NEDD4L: variants seen among roughly 807,000 people sequenced by gnomAD.
The protein encoded by NEDD4L is NEDD4 like E3 ubiquitin protein ligase, also known as E3 ubiquitin-protein ligase NEDD4-like.
A neutral mutation model predicts 148.9 loss-of-function variants in NEDD4L; 54 were observed. The ratio of observed to expected loss-of-function variants is 0.36; its 90% CI spans 0.29 to 0.45. The LOEUF is 0.45. NEDD4L is among the 20% of genes least tolerant of loss of function. NEDD4L has a pLI of 1.00. For synonymous variants in NEDD4L, 433 were observed against 440.7 expected, an observed-to-expected ratio of 0.98 and a Z score of 0.22; for missense variants, 856 against 1,233.8, an observed-to-expected ratio of 0.69 and a Z score of 4.59.
At chr18:58,107,856 G>T (rs552457637) in intron 1 of NEDD4L, among the ~76,000 whole-genome samples, 3 of 152,230 alleles carry the variant, frequency 2.0e-5, no homozygotes, top group African/African-American at 7.2e-5. Context: ...GGGACTACAG[G>T]TACGCATGCC....
In NEDD4L at chr18:58,357,182, T is replaced by C; in HGVS notation, c.1709-12T>C. ...TGTTCTGATTTTTTTTTTTTTTTTT[T>C]AACATTTTCAGATAGCAAAATTACT... On this transcript the variant is annotated splice_polypyrimidine_tract_variant and intron_variant, in intron 18 of 30. Coordinates refer to ENST00000400345, the MANE Select transcript of NEDD4L (RefSeq NM_001144967.3). 6.6e-7 allele frequency: 1 copy of C among 1,515,810 alleles called. No individual in the cohort carries two copies. The highest frequency in any genetic ancestry group is 9.0e-7 in the Non-Finnish European group (1 of 1,113,924). The allele number at this position is 1,515,810 out of a possible 1,614,324, so 93.9% of individuals were successfully genotyped here.
At chr18:58,127,772 C>T (rs1034813505) in intron 1 of NEDD4L, among the ~76,000 whole-genome samples, 32 of 137,166 alleles carry the variant, frequency 2.3e-4, no homozygotes, top group Admixed American at 9.9e-4. Context: ...ACACGGGAGG[C>T]GGAGTTTGCA....
chr18:58,049,528 C>G (rs976017628), intron 1 of NEDD4L, among the ~76,000 whole-genome samples: 38 of 152,290 alleles, frequency 2.5e-4, no homozygotes, highest in Non-Finnish European at 3.1e-4. Flanking sequence ...CATGCCAAGT[C>G]CAAGTGCCTG....
At chr18:58,235,841 T>TA (rs1329249928) in intron 2 of NEDD4L, among the ~76,000 whole-genome samples, 4 of 152,126 alleles carry the variant, frequency 2.6e-5, no homozygotes, top group Non-Finnish European at 5.9e-5. Context: ...CAGTTTATTA[T>TA]AAAAAGGATA....
At chr18:58,148,163 C>CTTTTTT (rs58114617) in intron 1 of NEDD4L, among the ~76,000 whole-genome samples, 5 of 141,916 alleles carry the variant, frequency 3.5e-5, no homozygotes, top group Non-Finnish European at 7.7e-5. Flanking sequence ...CCACACTGTT[C>CTTTTTT]TTTTTTTTTT....
chr18:58,287,662 T>C (rs527846714), intron 5 of NEDD4L, among the ~76,000 whole-genome samples: 1 of 152,238 alleles, frequency 6.6e-6, no homozygotes, highest in Non-Finnish European at 1.5e-5. Context: ...AGAGGTCTTA[T>C]CACGCATATT....
rs1203829189 is a variant in NEDD4L, at chr18:58,347,372, C to T, written c.1576-2165C>T. On this transcript the variant is annotated intron_variant, in intron 16 of 30. Transcript: ENST00000400345. ...TAGCAGTCCTCAGCTTTCTCTAAAT[C>T]TGGCATGGTCATAGGCTAGGTGGAA... is the stretch of plus-strand genomic sequence containing the variant. Among the ~76,000 whole-genome samples the T allele has an allele frequency of 2.6e-5, 4 of 152,234 alleles. No individual in the cohort carries two copies. The South Asian group carries it at 8.3e-4, about 32-fold the overall frequency.
chr18:58,367,895 C>A, intron 22 of NEDD4L, 28 bp downstream of exon 22: 1 of 1,613,118 alleles, frequency 6.2e-7, no homozygotes, highest in South Asian at 1.1e-5. Context: ...AAAAATAGGT[C>A]AGTGCTGCTT....
At position 58,398,181 on chromosome 18, in the gene NEDD4L, AAAAAAAAAAAAAAT is replaced by A. The variant is rs2050617113; in HGVS notation, c.*1913_*1926del. 6.9e-6 allele frequency: 1 copy of A among 145,826 alleles called. No individual in the cohort carries two copies. Among genetic ancestry groups the A allele is most frequent in the Admixed American group, 6.8e-5 (1 of 14,784 alleles). 9.0% of individuals were successfully genotyped at this position (145,826 alleles called of 1,614,324 possible). A position where few individuals can be genotyped will look rare whatever the true frequency, so the allele number is the denominator to read the frequency against. On this transcript the variant is annotated 3_prime_UTR_variant, in exon 31 of 31. Coordinates refer to ENST00000400345, the MANE Select transcript of NEDD4L (RefSeq NM_001144967.3). ...CTAAAAAAAAAAAAAAAAAAAAAAA[AAAAAAAAAAAAAAT>A]TCCCGCTCATGAGTTTTGACTATTG... is the stretch of plus-strand genomic sequence containing the variant.
At chr18:58,247,986 T>C (rs541121033) in intron 3 of NEDD4L, among the ~76,000 whole-genome samples, 1 of 152,376 alleles carries the variant, frequency 6.6e-6, no homozygotes, top group Admixed American at 6.5e-5. Flanking sequence ...TATTTTTATG[T>C]TGCACTCTGT....
intron 24 of NEDD4L, among the ~76,000 whole-genome samples, chr18:58,380,929 G>A (rs559287706): frequency 6.6e-6 from 1 of 152,196 alleles, no homozygotes; most frequent in Admixed American, 6.5e-5. Flanking sequence ...TCTAATGACT[G>A]TGCTGAATTT....
intron 6 of NEDD4L, among the ~76,000 whole-genome samples, chr18:58,321,972 A>G (rs1474054047): frequency 6.6e-6 from 1 of 152,200 alleles, no homozygotes; most frequent in African/African-American, 2.4e-5. Flanking sequence ...TAGTCTTTCA[A>G]TTCTCTTAGG....
At chr18:58,215,139 A>T (rs923343186) in intron 2 of NEDD4L, among the ~76,000 whole-genome samples, 2 of 152,050 alleles carry the variant, frequency 1.3e-5, no homozygotes, top group Non-Finnish European at 2.9e-5. Flanking sequence ...TCTATGTGTG[A>T]GGGTTTCTGT....
chr18:58,392,850 A>G (rs2050012206), intron 30 of NEDD4L, among the ~76,000 whole-genome samples: 1 of 152,196 alleles, frequency 6.6e-6, no homozygotes, highest in Admixed American at 6.5e-5. Flanking sequence ...ACTAACCAGG[A>G]TGAAGATTAG....
At chr18:58,128,032 T>TTTTGC (rs895758124) in intron 1 of NEDD4L, among the ~76,000 whole-genome samples, 1 of 151,890 alleles carries the variant, frequency 6.6e-6, no homozygotes, top group African/African-American at 2.4e-5. Flanking sequence ...TTTTGTTTTG[T>TTTTGC]TTTGCTTTGC....
At chr18:58,129,003 A>G (rs1386798213) in intron 1 of NEDD4L, among the ~76,000 whole-genome samples, 2 of 152,252 alleles carry the variant, frequency 1.3e-5, no homozygotes, top group Non-Finnish European at 2.9e-5. Context: ...GGGGCCTTGC[A>G]TAGGGGTCAC....
At position 58,377,738 on chromosome 18, in the gene NEDD4L, G is replaced by GGTTTGTTTGTTTGTTTGTTT. The variant is rs142530831; in HGVS notation, c.2352+4470_2352+4489dup. 3.9e-3 allele frequency among the ~76,000 whole-genome samples: 594 copies of GGTTTGTTTGTTTGTTTGTTT among 151,508 alleles called. 4 individuals carry two copies. Among genetic ancestry groups the GGTTTGTTTGTTTGTTTGTTT allele is most frequent in the African/African-American group, 0.014 (560 of 41,168 alleles). On this transcript the variant is annotated intron_variant, in intron 24 of 30. Coordinates refer to ENST00000400345, the MANE Select transcript of NEDD4L (RefSeq NM_001144967.3). ...CAGAGCAACGTCTAATTTGGTTATG[G>GGTTTGTTTGTTTGTTTGTTT]GTTTGTTTGTTTGTTTGTTTTTTGA...
Position 58,350,986 on chromosome 18 carries a change from A to G in NEDD4L, c.1654-5A>G, listed in dbSNP as rs752506413. On this transcript the variant is annotated splice_polypyrimidine_tract_variant and splice_region_variant and intron_variant, in intron 17 of 30. Transcript: ENST00000400345. ...TTCTCTCTCCCTTCCTTCCCCGGAT[A>G]CTAGCCTGGCTGGGAAGAAAGAATT... The G allele has an allele frequency of 6.9e-6, 11 of 1,586,684 alleles. No individual in the cohort carries two copies. Among genetic ancestry groups the G allele is most frequent in the South Asian group, 4.6e-5 (4 of 86,572 alleles).
At chr18:58,089,533 T>C (rs2083948651) in intron 1 of NEDD4L, among the ~76,000 whole-genome samples, 2 of 152,128 alleles carry the variant, frequency 1.3e-5, no homozygotes, top group South Asian at 4.1e-4. Context: ...AAGTGGTTGA[T>C]AGGCACTGAA....
Sources: allele counts gnomAD v4.1 joint callset (sites outside exome capture counted in the v4.1 genomes callset), GRCh38; gene constraint gnomAD v4.1.1; transcripts MANE v1.5; gene names NCBI Gene and HGNC (gene_info 2026-07-23, HGNC 2026-07-21).